Variants in CDH18 observed in about 807,000 individuals in gnomAD.
The protein encoded by CDH18 is cadherin-18.
CDH18 carries 31 observed loss-of-function variants against 67.9 expected under a neutral mutation model. The ratio of observed to expected loss-of-function variants is 0.46; its 90% CI spans 0.34 to 0.62. The LOEUF (loss-of-function observed/expected upper bound fraction) is 0.62. CDH18 is among the 20% of genes least tolerant of loss of function. CDH18 has a pLI of 0.01. For synonymous variants in CDH18, 362 were observed against 347.2 expected, an observed-to-expected ratio of 1.04 and a Z score of -0.48; for missense variants, 890 against 975.5, an observed-to-expected ratio of 0.91 and a Z score of 1.17.
At chr5:19,998,786 C>T (rs1411869663) in intron 2 of CDH18, among the ~76,000 whole-genome samples, 2 of 151,784 alleles carry the variant, frequency 1.3e-5, no homozygotes, top group Non-Finnish European at 2.9e-5. Context: ...GAGGAGGCTG[C>T]CAAGCTTAGA....
chr5:20,279,990 A>T (rs1335316118), intron 1 of CDH18, among the ~76,000 whole-genome samples: 2 of 152,028 alleles, frequency 1.3e-5, no homozygotes, highest in Non-Finnish European at 2.9e-5. Flanking sequence ...GTCTTAAAAA[A>T]TTCAAAAACA....
At chr5:19,681,260 A>G (rs1760275819) in intron 5 of CDH18, among the ~76,000 whole-genome samples, 1 of 151,862 alleles carries the variant, frequency 6.6e-6, no homozygotes, top group East Asian at 1.9e-4. Flanking sequence ...GAGTAGACAG[A>G]GGATCAAAAA....
intron 1 of CDH18, chr5:20,305,935 T>C (rs1474575497): frequency 1.2e-5 from 2 of 165,556 alleles, no homozygotes; most frequent in Admixed American, 6.0e-5. Flanking sequence ...ATATTTACAT[T>C]TCTATTTTAT....
intron 1 of CDH18, among the ~76,000 whole-genome samples, chr5:20,425,472 A>T (rs1748230496): frequency 1.3e-5 from 2 of 151,244 alleles, no homozygotes; most frequent in Admixed American, 1.3e-4. Flanking sequence ...ACAATAGAAA[A>T]TATTTATATA....
chr5:19,685,053 G>A (rs560108747), intron 5 of CDH18, among the ~76,000 whole-genome samples: 23 of 152,236 alleles, frequency 1.5e-4, no homozygotes, highest in South Asian at 6.2e-4. Flanking sequence ...GATGGGATTC[G>A]TTAAGATCAT....
upstream of CDH18, among the ~76,000 whole-genome samples, chr5:19,988,761 A>C (rs1362602394): frequency 3.3e-5 from 5 of 152,082 alleles, no homozygotes; most frequent in Non-Finnish European, 7.4e-5. Flanking sequence ...CTAAACATTC[A>C]ACTGCTGGCT....
At chr5:20,573,964 AC>A (rs1420129920) in intron 1 of CDH18, among the ~76,000 whole-genome samples, 3 of 147,368 alleles carry the variant, frequency 2.0e-5, no homozygotes, top group East Asian at 3.9e-4. Context: ...ATATATATAT[AC>A]TTTTTTTAAA....
intron 7 of CDH18, among the ~76,000 whole-genome samples, chr5:19,579,250 A>G (rs1244974060): frequency 2.6e-5 from 4 of 152,034 alleles, no homozygotes; most frequent in Non-Finnish European, 5.9e-5. Flanking sequence ...AACATGCAAC[A>G]GAGATACATA....
At position 19,820,843 on chromosome 5, in the gene CDH18, G is replaced by C. The variant is rs116139413; in HGVS notation, c.228+17916C>G. ...CAGCTACAACTAAGGAACCCATACA[G>C]AGCCTTGGACTCTAAAAGCACAAAG... On this transcript the variant is annotated intron_variant, in intron 3 of 12. Coordinates refer to ENST00000382275, the MANE Select transcript of CDH18 (RefSeq NM_004934.5). 6.0e-3 allele frequency among the ~76,000 whole-genome samples: 916 copies of C among 152,180 alleles called. 4 individuals carry two copies. The highest frequency in any genetic ancestry group is 8.4e-3 in the Non-Finnish European group (570 of 68,002).
chr5:20,213,616 T>C (rs1274522989), intron 2 of CDH18, among the ~76,000 whole-genome samples: 2 of 152,104 alleles, frequency 1.3e-5, no homozygotes, highest in Non-Finnish European at 2.9e-5. Flanking sequence ...AGGGAGTATG[T>C]GTCCAGGAAT....
rs60530779 is a variant in CDH18, at chr5:19,861,530, G to A, written c.-256-22288C>T. Among the ~76,000 whole-genome samples the A allele has an allele frequency of 2.8e-3, 427 of 152,276 alleles. 2 individuals carry two copies. The highest frequency in any genetic ancestry group is 0.01 in the Middle Eastern group (3 of 294). On this transcript the variant is annotated intron_variant, in intron 2 of 12. Coordinates refer to ENST00000382275, the MANE Select transcript of CDH18 (RefSeq NM_004934.5). Reference sequence around the variant, plus strand: ...GATGACATCATTTGCTTTTCCTTAGGAAGTCTTTGGATTTTTGTTGAGAAT... The same window carrying A: ...GATGACATCATTTGCTTTTCCTTAGAAAGTCTTTGGATTTTTGTTGAGAAT...
chr5:19,610,740 A>T (rs1359912169), intron 6 of CDH18, among the ~76,000 whole-genome samples: 1 of 152,124 alleles, frequency 6.6e-6, no homozygotes, highest in Non-Finnish European at 1.5e-5. Flanking sequence ...AATTGTACCA[A>T]TCTATGAAAT....
chr5:20,293,952 T>C (rs1354042479), intron 1 of CDH18, among the ~76,000 whole-genome samples: 2 of 152,212 alleles, frequency 1.3e-5, no homozygotes, highest in Non-Finnish European at 2.9e-5. Context: ...CTGATGTACG[T>C]AGGCATTTTT....
intron 5 of CDH18, among the ~76,000 whole-genome samples, chr5:19,667,465 CTT>C (rs1267306967): frequency 6.8e-6 from 1 of 146,934 alleles, no homozygotes; most frequent in South Asian, 2.1e-4. Context: ...TTTCATGAGA[CTT>C]ATAATCACAA....
At chr5:19,703,960 T>A (rs974910827) in intron 5 of CDH18, among the ~76,000 whole-genome samples, 6 of 152,154 alleles carry the variant, frequency 3.9e-5, no homozygotes, top group African/African-American at 1.2e-4. Flanking sequence ...CAAACAGGAG[T>A]CATTGATTCA....
intron 7 of CDH18, among the ~76,000 whole-genome samples, chr5:19,572,895 A>G (rs1580280854): frequency 6.6e-6 from 1 of 152,252 alleles, no homozygotes; most frequent in East Asian, 1.9e-4. Context: ...GTACTATAAT[A>G]CTTATAATAA....
At chr5:20,522,411 A>C (rs1339726873) in intron 1 of CDH18, among the ~76,000 whole-genome samples, 1 of 152,182 alleles carries the variant, frequency 6.6e-6, no homozygotes, top group African/African-American at 2.4e-5. Context: ...GATAAGAATG[A>C]ATCTTATCCT....
intron 6 of CDH18, among the ~76,000 whole-genome samples, chr5:19,597,057 A>G (rs990864256): frequency 2.6e-5 from 4 of 152,174 alleles, no homozygotes; most frequent in African/African-American, 7.2e-5. Flanking sequence ...AGGTTACAAA[A>G]AGACTGTGGC....
intron 3 of CDH18, among the ~76,000 whole-genome samples, chr5:19,748,933 A>T (rs1043925587): frequency 2.0e-5 from 3 of 152,264 alleles, no homozygotes; most frequent in African/African-American, 7.2e-5. Context: ...CCATTTAAAA[A>T]TGCTTATTTA....
Sources: allele counts gnomAD v4.1 joint callset (sites outside exome capture counted in the v4.1 genomes callset), GRCh38; gene constraint gnomAD v4.1.1; transcripts MANE v1.5; gene names NCBI Gene and HGNC (gene_info 2026-07-23, HGNC 2026-07-21).